The following PNPLA2 variants were observed in gnomAD, a reference collection of about 807,000 sequenced individuals.
The protein encoded by PNPLA2 is patatin-like phospholipase domain-containing protein 2.
PNPLA2 carries 28 observed loss-of-function variants against 39.7 expected under a neutral mutation model. The observed-to-expected ratio is 0.70, with a 90% CI of 0.52 to 0.97. PNPLA2 has a LOEUF of 0.97. Ranked by LOEUF, PNPLA2 falls within the 50% of genes least tolerant of loss-of-function variation. The pLI, the probability that PNPLA2 is intolerant of heterozygous loss-of-function variation, is 0.00. For synonymous variants in PNPLA2, 392 were observed against 321.1 expected (o/e 1.22, Z -2.36); for missense variants, 768 against 698.2 (o/e 1.10, Z -1.13).
chr11:823,616 G>C (rs1185789026), intron 6 of PNPLA2, 29 bp downstream of exon 6: 2 of 1,604,660 alleles, frequency 1.2e-6, no homozygotes, highest in Non-Finnish European at 1.7e-6. Flanking sequence ...GAGAGGGCGG[G>C]GTGGGCTCGG....
In PNPLA2 at chr11:824,595, A is replaced by G. The variant is rs1207859994; in HGVS notation, c.1248A>G (p.Arg416=). The G allele has an allele frequency of 1.3e-6, 2 of 1,588,546 alleles. No individual in the cohort carries two copies. The highest frequency in any genetic ancestry group is 2.3e-5 in the East Asian group (1 of 44,010). Residue 416 remains arginine (R), a synonymous_variant, in exon 10 of 10, where the codon AGA becomes AGG. Transcript: ENST00000336615. The part of the protein sequence containing the change: ...PSVPLSCAAY[R]EALPGWMRNN... ...TGCCGCTGTCCTGCGCCGCCTACAG[A>G]GAGGCACTGCCCGGCTGGATGCGCA...
At chr11:820,943 C>T (rs1565085988) in intron 2 of PNPLA2, 1 of 154,156 alleles carries the variant, frequency 6.5e-6, no homozygotes, top group Non-Finnish European at 1.4e-5. Flanking sequence ...GACTCCTTCT[C>T]ACGGGTGGTC....
rs760059961 is a variant in PNPLA2 at position 819,708 on chromosome 11, C to T, written c.-11C>T. ...GCCCACGGAACCCGGGGCCCGGCGG[C>T]CGCCGCCGCGATGTTTCCCCGCGAG... On this transcript the variant is annotated 5_prime_UTR_variant, in exon 2 of 10. Coordinates refer to ENST00000336615, the MANE Select transcript of PNPLA2 (RefSeq NM_020376.4). 4 of 1,479,040 alleles carry T rather than the reference C, an allele frequency of 2.7e-6. No homozygotes were observed. In the South Asian group the frequency reaches 3.8e-5, roughly 14 times the overall value. 91.6% of individuals were successfully genotyped at this position (1,479,040 alleles called of 1,614,324 possible). A position where few individuals can be genotyped will look rare whatever the true frequency, so the allele number is the denominator to read the frequency against.
intron 4 of PNPLA2, 105 bp from the exon 5 acceptor site, chr11:822,292 T>A: frequency 9.6e-7 from 1 of 1,043,550 alleles, no homozygotes; most frequent in Non-Finnish European, 1.5e-6. Flanking sequence ...TCAAATGAGG[T>A]AGCCACTGAA....
In PNPLA2 at chr11:824,004, T is replaced by C; in HGVS notation, c.926T>C (p.Leu309Pro). 1 of 1,607,398 alleles carries C rather than the reference T, an allele frequency of 6.2e-7. No individual in the cohort carries two copies. Residue 309 changes from leucine to proline, a missense_variant, in exon 8 of 10, where the codon CTG (leucine) becomes CCG (proline). Physicochemically the swap from Leu to Pro is moderately conservative, Grantham distance 98. Transcript: ENST00000336615. ...HLPARLNEALLEACVEPTDLL... is the reference protein window; with the variant it reads ...HLPARLNEALPEACVEPTDLL... Reference sequence around the variant, plus strand: ...ACCTCCCGCCCACCCGCAGCCCTGCTGGAGGCCTGCGTGGAGCCCACGGAC... The same window carrying C: ...ACCTCCCGCCCACCCGCAGCCCTGCCGGAGGCCTGCGTGGAGCCCACGGAC...
Position 822,001 on chromosome 11 carries a change from T to C in PNPLA2, c.464T>C (p.Ile155Thr). 6.2e-7 allele frequency: 1 copy of C among 1,612,574 alleles called. No homozygotes were observed. Among genetic ancestry groups the C allele is most frequent in the South Asian group, 1.1e-5 (1 of 91,062 alleles). The change falls in exon 4 of 10, where the codon ATC becomes ACC. Residue 155 changes from isoleucine (I) to threonine (T), a missense_variant. Transcript: ENST00000336615. Reference protein sequence around the residue: ...SGFIPVYCGLIPPSLQGVRYV... With the variant: ...SGFIPVYCGLTPPSLQGVRYV... ...TTCATCCCCGTGTACTGTGGGCTCA[T>C]CCCTCCCTCCCTCCAGGGGGTGGTG...
In PNPLA2 at chr11:819,630, G is replaced by A; in HGVS notation, c.-89G>A. On this transcript the variant is annotated 5_prime_UTR_variant, in exon 2 of 10. Transcript: ENST00000336615. ...CTAGAGCCGCAGCGGGACCTGCCCG[G>A]CCCCCGGCTCCAGCGAGCGAGCGGC... The A allele has an allele frequency of 7.4e-7, 1 of 1,343,022 alleles. No individual in the cohort carries two copies. The highest frequency in any genetic ancestry group is 1.6e-5 in the South Asian group (1 of 64,072). The allele number at this position is 1,343,022 out of a possible 1,614,324, so 83.2% of individuals were successfully genotyped here.
rs372838127 is a variant in PNPLA2 at position 821,138 on chromosome 11, T to A, written c.188-490T>A. ...CAGCACTCCTGCGCCCCAAGAGGAG[T>A]GTTTGGGGTGCTTCCTCTTGGCTGC... is the stretch of plus-strand genomic sequence containing the variant. On this transcript the variant is annotated intron_variant, in intron 2 of 9. Transcript: ENST00000336615. 2.0e-4 allele frequency: 40 copies of A among 200,286 alleles called. No homozygotes were observed. In the East Asian group the frequency reaches 3.9e-3, roughly 20 times the overall value. 12.4% of individuals were successfully genotyped at this position (200,286 alleles called of 1,614,324 possible).
chr11:824,962 G>T lies in PNPLA2; in HGVS notation c.*100G>T. Reference sequence around the variant, plus strand: ...GTTGCCAAGAGGGGTCTTTGCCGTGGGCCCCCTCGCCAGCCACTCACCAGC... The same window carrying T: ...GTTGCCAAGAGGGGTCTTTGCCGTGTGCCCCCTCGCCAGCCACTCACCAGC... On this transcript the variant is annotated 3_prime_UTR_variant, in exon 10 of 10. Coordinates refer to ENST00000336615, the MANE Select transcript of PNPLA2 (RefSeq NM_020376.4). 9.9e-7 allele frequency: 1 copy of T among 1,014,514 alleles called. No individual in the cohort carries two copies. Among genetic ancestry groups the T allele is most frequent in the South Asian group, 1.4e-5 (1 of 73,208 alleles). The allele number at this position is 1,014,514 out of a possible 1,614,324, so 62.8% of individuals were successfully genotyped here.
At position 824,679 on chromosome 11, in the gene PNPLA2, G is replaced by A; in HGVS notation, c.1332G>A (p.Leu444=). Residue 444 remains leucine, a synonymous_variant, in exon 10 of 10, where the codon CTG becomes CTA. Coordinates refer to ENST00000336615, the MANE Select transcript of PNPLA2 (RefSeq NM_020376.4). The part of the protein sequence containing the change: ...AKWEECQRQL[L]LGLFCTNVAF... ...GGGAGGAGTGCCAGCGCCAGCTGCT[G>A]CTCGGCCTCTTCTGCACCAACGTGG... 6.3e-7 allele frequency: 1 copy of A among 1,596,688 alleles called. No homozygotes were observed. Among genetic ancestry groups the A allele is most frequent in the Admixed American group, 1.7e-5 (1 of 59,564 alleles).
chr11:823,839 C>G lies in PNPLA2; in HGVS notation c.903C>G (p.Pro301=), dbSNP rs141190104. The G allele has an allele frequency of 6.3e-7, 1 of 1,590,248 alleles. No homozygotes were observed. ...PGEDHILEHL[P]ARLNEALLEA... ...AAGATCACATCCTGGAGCACCTGCC[C>G]GCCCGGCTCAATGAGGGTGCGCACC... The change falls in exon 7 of 10, where the codon CCC becomes CCG. Residue 301 remains proline (P), a synonymous_variant. Transcript: ENST00000336615.
Position 824,926 on chromosome 11 carries a change from G to C in PNPLA2, c.*64G>C. On this transcript the variant is annotated 3_prime_UTR_variant, in exon 10 of 10. Coordinates refer to ENST00000336615, the MANE Select transcript of PNPLA2 (RefSeq NM_020376.4). ...CCATTACCACTGCGCAGTGAGATGA[G>C]GGGACTCACAGTTGCCAAGAGGGGT... 7.5e-7 allele frequency: 1 copy of C among 1,330,756 alleles called. No individual in the cohort carries two copies. Among genetic ancestry groups the C allele is most frequent in the Non-Finnish European group, 1.0e-6 (1 of 959,896 alleles). The allele number at this position is 1,330,756 out of a possible 1,614,324, so 82.4% of individuals were successfully genotyped here.
intron 2 of PNPLA2, chr11:821,243 C>T (rs1845655231): frequency 6.1e-6 from 2 of 330,500 alleles, no homozygotes; most frequent in South Asian, 5.6e-5. Flanking sequence ...TGAACTGTGA[C>T]CTGTGTGCCG....
At position 823,799 on chromosome 11, in the gene PNPLA2, C is replaced by T; in HGVS notation, c.863C>T (p.Ser288Leu). 2.5e-6 allele frequency: 4 copies of T among 1,605,188 alleles called. No homozygotes were observed. The highest frequency in any genetic ancestry group is 2.2e-5 in the East Asian group (1 of 44,544). Residue 288 changes from serine (S) to leucine (L), a missense_variant, in exon 7 of 10, where the codon TCG (serine) becomes TTG (leucine). Transcript: ENST00000336615. ...GAGAGCGCCCAAGCGGAGGATTACT[C>T]GCAGCTGCCCGGAGAAGATCACATC... is the stretch of plus-strand genomic sequence containing the variant. Reference protein sequence around the residue: ...AVESAQAEDYSQLPGEDHILE... With the variant: ...AVESAQAEDYLQLPGEDHILE...
Position 819,613 on chromosome 11 carries a change from G to T in PNPLA2, c.-106G>T. ...CCAGCGGGGACCCCGAGCTAGAGCC[G>T]CAGCGGGACCTGCCCGGCCCCCGGC... On this transcript the variant is annotated 5_prime_UTR_variant, in exon 2 of 10. Transcript: ENST00000336615. 7.8e-7 allele frequency: 1 copy of T among 1,290,106 alleles called. No individual in the cohort carries two copies. Among genetic ancestry groups the T allele is most frequent in the Non-Finnish European group, 1.0e-6 (1 of 1,003,572 alleles). 79.9% of individuals were successfully genotyped at this position (1,290,106 alleles called of 1,614,324 possible).
At chr11:819,531 G>A in intron 1 of PNPLA2, 43 bp from the exon 2 acceptor site, 1 of 1,270,454 alleles carries the variant, frequency 7.9e-7, no homozygotes, top group Non-Finnish European at 9.9e-7. Flanking sequence ...CCCCCGCCGT[G>A]AGTCCCACAC....
At position 821,857 on chromosome 11, in the gene PNPLA2, C is replaced by T; in HGVS notation, c.417C>T (p.Ile139=). Residue 139 remains isoleucine, a synonymous_variant, in exon 3 of 10, where the codon ATC becomes ATT. Transcript: ENST00000336615. ...ACTTCAACTCCAAGGACGAGCTCAT[C>T]CAGGTGGGGCCTGGTGGAGCCATGC... ...ISHFNSKDEL[I]QANVCSGFIP... is the part of the protein sequence containing the mutation. The T allele has an allele frequency of 1.2e-6, 2 of 1,613,536 alleles. No individual in the cohort carries two copies. Among genetic ancestry groups the T allele is most frequent in the Non-Finnish European group, 1.7e-6 (2 of 1,179,670 alleles).
Position 819,673 on chromosome 11 carries a change from A to C in PNPLA2, c.-46A>C, listed in dbSNP as rs775461650. ...CGAGCGGCGAGCAGGCGGCTCACAG[A>C]GGCCTGGCCGCCCACGGAACCCGGG... On this transcript the variant is annotated 5_prime_UTR_variant, in exon 2 of 10. Transcript: ENST00000336615. 2 of 1,449,578 alleles carry C rather than the reference A, an allele frequency of 1.4e-6. No individual in the cohort carries two copies. The highest frequency in any genetic ancestry group is 2.6e-5 in the South Asian group (2 of 76,362). The allele number at this position is 1,449,578 out of a possible 1,614,324, so 89.8% of individuals were successfully genotyped here.
At position 823,526 on chromosome 11, in the gene PNPLA2, GGTGCTGCGAGAGATGTGCAAGCA is replaced by G; in HGVS notation, c.698_720del (p.Val233GlyfsTer66). ...GCTCCATTTAACCCTCCTCACTGCA[GGTGCTGCGAGAGATGTGCAAGCA>G]GGGATACCGGGATGGCCTGCGCTTT... is the stretch of plus-strand genomic sequence containing the variant. On this transcript the variant is annotated frameshift_variant and splice_region_variant, in exon 6 of 10. Coordinates refer to ENST00000336615, the MANE Select transcript of PNPLA2 (RefSeq NM_020376.4). LOFTEE classifies it high-confidence loss of function. 6.2e-7 allele frequency: 1 copy of G among 1,608,096 alleles called. No individual in the cohort carries two copies. The highest frequency in any genetic ancestry group is 8.5e-7 in the Non-Finnish European group (1 of 1,177,856).
Sources: allele counts gnomAD v4.1 joint callset, GRCh38; gene constraint gnomAD v4.1.1; transcripts MANE v1.5; gene names NCBI Gene and HGNC (gene_info 2026-07-23, HGNC 2026-07-21).